The following TENM2 variants were observed in gnomAD, a reference collection of about 807,000 sequenced individuals.
TENM2 encodes the protein teneurin transmembrane protein 2.
TENM2 carries 52 observed loss-of-function variants against 245.2 expected under a neutral mutation model. That is an observed-to-expected ratio of 0.21 (90% CI 0.17 to 0.27). The LOEUF is 0.27. TENM2 is among the 10% of genes least tolerant of loss of function. The probability of loss-of-function intolerance (pLI) is 1.00; values close to 1 mark genes in which losing one functional copy is unlikely to be tolerated. For synonymous variants in TENM2, 1,363 were observed against 1,438.9 expected (o/e 0.95, Z 1.19); for missense variants, 3,046 against 3,666.8 (o/e 0.83, Z 4.37).
the TENM2 span, among the ~76,000 whole-genome samples, chr5:167,080,258 C>A: frequency 6.6e-6 from 1 of 152,228 alleles, no homozygotes; most frequent in East Asian, 1.9e-4. Flanking sequence ...GTCTTCTAGG[C>A]AAATTATCAG....
At chr5:168,077,534 A>C (rs1007973690) in intron 7 of TENM2, among the ~76,000 whole-genome samples, 22 of 152,030 alleles carry the variant, frequency 1.4e-4, no homozygotes, top group African/African-American at 4.6e-4. Context: ...CCCATTAACT[A>C]GTCATTTACA....
chr5:167,410,522 T>A (rs1762849987), intron 2 of TENM2, among the ~76,000 whole-genome samples: 1 of 150,484 alleles, frequency 6.6e-6, no homozygotes, highest in Non-Finnish European at 1.5e-5. Context: ...TAAATTATTA[T>A]AGAGAATTCA....
chr5:167,301,639 C>T lies in TENM2; in HGVS notation c.226+16576C>T, dbSNP rs536809218. The stretch of plus-strand genomic sequence containing the variant: ...AATAAAATGTATATTGAGCATAAGA[C>T]GGCCTTTTGACCTTTTAGGGTCTAG... On this transcript the variant is annotated intron_variant, in intron 1 of 28. Transcript: ENST00000518659. Among the ~76,000 whole-genome samples the T allele has an allele frequency of 2.5e-3, 375 of 152,236 alleles. 1 individual carries two copies. Among genetic ancestry groups the T allele is most frequent in the African/African-American group, 8.3e-3 (343 of 41,538 alleles).
intron 19 of TENM2, among the ~76,000 whole-genome samples, chr5:168,206,811 A>G (rs1228573977): frequency 6.6e-6 from 1 of 152,112 alleles, no homozygotes; most frequent in Non-Finnish European, 1.5e-5. Flanking sequence ...GCCATTGCCT[A>G]TAGGAAAAAA....
intron 4 of TENM2, among the ~76,000 whole-genome samples, chr5:167,979,436 T>A (rs1177764353): frequency 6.6e-6 from 1 of 152,124 alleles, no homozygotes; most frequent in African/African-American, 2.4e-5. Flanking sequence ...TTACCAAAAA[T>A]TCTTCTAGAC....
intron 2 of TENM2, among the ~76,000 whole-genome samples, chr5:167,872,503 A>G (rs552846473): frequency 4.4e-3 from 63 of 14,396 alleles, no homozygotes; most frequent in African/African-American, 6.8e-3. Flanking sequence ...AAAGAAAGAA[A>G]GAAAGAAAGA....
chr5:167,195,856 C>T, the TENM2 span, among the ~76,000 whole-genome samples: 2 of 151,920 alleles, frequency 1.3e-5, no homozygotes, highest in African/African-American at 4.8e-5. Context: ...GTCTGATCTA[C>T]ACACCTGTAT....
the TENM2 span, among the ~76,000 whole-genome samples, chr5:167,004,436 T>A: frequency 6.6e-6 from 1 of 152,232 alleles, no homozygotes; most frequent in African/African-American, 2.4e-5. Context: ...AGAGAAACCG[T>A]CACTTATAAA....
chr5:167,051,896 GTTT>G, the TENM2 span, among the ~76,000 whole-genome samples: 1 of 152,032 alleles, frequency 6.6e-6, no homozygotes, highest in African/African-American at 2.4e-5. Context: ...ATTCATATTT[GTTT>G]TTATTTTTCC....
At chr5:167,324,714 G>C (rs1756983661) in intron 1 of TENM2, among the ~76,000 whole-genome samples, 1 of 152,052 alleles carries the variant, frequency 6.6e-6, no homozygotes, top group African/African-American at 2.4e-5. Flanking sequence ...AAATAAACAT[G>C]ATTGTGTTTT....
rs1483209330 is a variant in TENM2, at chr5:168,216,765, C to T, written c.4079-3C>T. 3.7e-6 allele frequency: 6 copies of T among 1,613,792 alleles called. No individual in the cohort carries two copies. Among genetic ancestry groups the T allele is most frequent in the Non-Finnish European group, 3.4e-6 (4 of 1,179,750 alleles). On this transcript the variant is annotated splice_region_variant and splice_polypyrimidine_tract_variant and intron_variant, in intron 21 of 28. Coordinates refer to ENST00000518659, the Ensembl canonical transcript of TENM2. ...ATAAATCCACACCGCTTGTCTTGCT[C>T]AGGTATTGCAGTAGACAAGAATGGG...
chr5:168,036,664 A>ATAT (rs56397479), intron 5 of TENM2, among the ~76,000 whole-genome samples: 1 of 101,336 alleles, frequency 9.9e-6, no homozygotes, highest in African/African-American at 4.3e-5. Context: ...ATATATATAT[A>ATAT]ATATATGTAT....
rs112117017 is a variant in TENM2, at chr5:168,057,310, AAC to A, written c.1310-4729_1310-4728del. Among the ~76,000 whole-genome samples the A allele has an allele frequency of 5.5e-3, 824 of 148,626 alleles. 2 individuals are homozygous for A. The highest frequency in any genetic ancestry group is 7.7e-3 in the South Asian group (36 of 4,698). ...ACCCCCTACCCCTGTCGCCTCGCCCAACACACACACACACACACACACTCACT... is the reference window on the plus strand; with the variant it reads ...ACCCCCTACCCCTGTCGCCTCGCCCAACACACACACACACACACACTCACT... On this transcript the variant is annotated intron_variant, in intron 6 of 28. Coordinates refer to ENST00000518659, the Ensembl canonical transcript of TENM2.
chr5:167,231,615 AG>A, the TENM2 span, among the ~76,000 whole-genome samples: 1 of 152,230 alleles, frequency 6.6e-6, no homozygotes, highest in Non-Finnish European at 1.5e-5. Context: ...ATTCAGTTTT[AG>A]GTATTCACAA....
At chr5:167,077,557 A>G in the TENM2 span, among the ~76,000 whole-genome samples, 1 of 152,238 alleles carries the variant, frequency 6.6e-6, no homozygotes, top group Non-Finnish European at 1.5e-5. Flanking sequence ...AAAGACATAC[A>G]TTATCATAAA....
chr5:167,488,402 A>T (rs1193056463), intron 2 of TENM2, among the ~76,000 whole-genome samples: 1 of 152,102 alleles, frequency 6.6e-6, no homozygotes, highest in East Asian at 1.9e-4. Context: ...AATTACTCCC[A>T]TATTGCTAAA....
intron 1 of TENM2, among the ~76,000 whole-genome samples, chr5:167,309,330 T>C (rs1236216255): frequency 6.6e-6 from 1 of 152,206 alleles, no homozygotes; most frequent in Non-Finnish European, 1.5e-5. Context: ...GCGATATGCA[T>C]TCAGCACACT....
At chr5:168,089,732 C>T (rs1262600936) in intron 7 of TENM2, among the ~76,000 whole-genome samples, 2 of 152,160 alleles carry the variant, frequency 1.3e-5, no homozygotes, top group Non-Finnish European at 2.9e-5. Flanking sequence ...GCTTTCTTAT[C>T]TGTAAAATAT....
At chr5:167,681,843 G>T (rs1183564265) in intron 2 of TENM2, among the ~76,000 whole-genome samples, 1 of 151,746 alleles carries the variant, frequency 6.6e-6, no homozygotes, top group African/African-American at 2.4e-5. Context: ...TATATGTCTG[G>T]GTGACTTCTA....
Sources: allele counts gnomAD v4.1 joint callset (sites outside exome capture counted in the v4.1 genomes callset), GRCh38; gene constraint gnomAD v4.1.1; transcripts MANE v1.5; gene names NCBI Gene and HGNC (gene_info 2026-07-23, HGNC 2026-07-21).